The following OSBPL6 variants were observed in gnomAD, a reference collection of about 807,000 sequenced individuals.
The protein encoded by OSBPL6 is oxysterol-binding protein-related protein 6.
A neutral mutation model predicts 125.8 loss-of-function variants in OSBPL6; 49 were observed. That is an observed-to-expected ratio of 0.39 (90% confidence interval 0.31 to 0.49). The LOEUF (loss-of-function observed/expected upper bound fraction) is 0.49. Among genes scored for constraint, OSBPL6 ranks in the 20% least tolerant of loss-of-function variants. OSBPL6 has a pLI of 0.88. For synonymous variants in OSBPL6, 394 were observed against 391.8 expected (o/e 1.01, Z -0.07); for missense variants, 986 against 1,135.4 (o/e 0.87, Z 1.89).
intron 1 of OSBPL6, among the ~76,000 whole-genome samples, chr2:178,211,840 A>G (rs1366260019): frequency 6.6e-6 from 1 of 152,064 alleles, no homozygotes; most frequent in Non-Finnish European, 1.5e-5. Context: ...TCATTAAAGC[A>G]TTGTTGTAAG....
At chr2:178,279,270 T>C (rs562791254) in intron 1 of OSBPL6, among the ~76,000 whole-genome samples, 1 of 152,300 alleles carries the variant, frequency 6.6e-6, no homozygotes, top group Non-Finnish European at 1.5e-5. Flanking sequence ...GAGAGGAATG[T>C]GCGGGGAATG....
intron 1 of OSBPL6, among the ~76,000 whole-genome samples, chr2:178,239,002 G>T (rs1161882460): frequency 6.6e-6 from 1 of 152,054 alleles, no homozygotes; most frequent in Non-Finnish European, 1.5e-5. Context: ...GTGTCCTTTT[G>T]CCTTTCAATC....
intron 1 of OSBPL6, among the ~76,000 whole-genome samples, chr2:178,228,177 C>A (rs560416939): frequency 2.6e-4 from 39 of 152,292 alleles, no homozygotes; most frequent in African/African-American, 8.4e-4. Flanking sequence ...AATGTGCAAA[C>A]AAAATAGAAG....
At chr2:178,357,332 C>T (rs910987173) in intron 12 of OSBPL6, among the ~76,000 whole-genome samples, 1 of 152,190 alleles carries the variant, frequency 6.6e-6, no homozygotes, top group African/African-American at 2.4e-5. Context: ...TTTTTGCAAT[C>T]TACCCATCTG....
intron 12 of OSBPL6, among the ~76,000 whole-genome samples, chr2:178,352,029 T>C (rs189773064): frequency 6.6e-6 from 1 of 152,204 alleles, no homozygotes; most frequent in Admixed American, 6.5e-5. Flanking sequence ...TAAAGAAATA[T>C]ACAGATTCAA....
chr2:178,234,728 A>G (rs1390690519), intron 1 of OSBPL6, among the ~76,000 whole-genome samples: 1 of 152,088 alleles, frequency 6.6e-6, no homozygotes, highest in Non-Finnish European at 1.5e-5. Flanking sequence ...TCCTTTTATG[A>G]TCTAGGGTAG....
At chr2:178,308,535 T>TACACTGAGAATACAGTG (rs1282369001) in intron 3 of OSBPL6, among the ~76,000 whole-genome samples, 5 of 152,260 alleles carry the variant, frequency 3.3e-5, no homozygotes, top group Non-Finnish European at 7.3e-5. Context: ...GGTATCTTAA[T>TACACTGAGAATACAGTG]GCACATTATT....
chr2:178,271,826 G>A (rs1198474722), intron 1 of OSBPL6, among the ~76,000 whole-genome samples: 1 of 152,164 alleles, frequency 6.6e-6, no homozygotes, highest in Non-Finnish European at 1.5e-5. Context: ...TACTAGAAAT[G>A]TGATATTCTA....
intron 1 of OSBPL6, among the ~76,000 whole-genome samples, chr2:178,202,886 G>A (rs1296690022): frequency 1.3e-5 from 2 of 151,744 alleles, no homozygotes; most frequent in African/African-American, 4.8e-5. Flanking sequence ...AATTTGATCA[G>A]GATGTACCTT....
At chr2:178,227,773 G>A (rs1402655962) in intron 1 of OSBPL6, among the ~76,000 whole-genome samples, 2 of 152,186 alleles carry the variant, frequency 1.3e-5, no homozygotes, top group Non-Finnish European at 2.9e-5. Flanking sequence ...ATATAAACAA[G>A]ATGATAGTAT....
At chr2:178,382,844 CTGT>C (rs950213118) in intron 16 of OSBPL6, 177 bp from the exon 17 acceptor site, 2 of 1,384,702 alleles carry the variant, frequency 1.4e-6, no homozygotes, top group African/African-American at 2.9e-5. Flanking sequence ...AAACTATACA[CTGT>C]TGTTTTCTGC....
At chr2:178,298,315 G>A (rs1685944894) in intron 2 of OSBPL6, among the ~76,000 whole-genome samples, 2 of 152,164 alleles carry the variant, frequency 1.3e-5, no homozygotes, top group African/African-American at 4.8e-5. Flanking sequence ...CCGCATTTTG[G>A]CTACATGCTG....
intron 15 of OSBPL6, among the ~76,000 whole-genome samples, chr2:178,380,090 T>G (rs1446493504): frequency 6.6e-6 from 1 of 152,178 alleles, no homozygotes; most frequent in Non-Finnish European, 1.5e-5. Flanking sequence ...GTAATCTATA[T>G]GTCAAACTGA....
chr2:178,362,071 G>C (rs1692412003), intron 13 of OSBPL6, among the ~76,000 whole-genome samples: 1 of 152,070 alleles, frequency 6.6e-6, no homozygotes. Flanking sequence ...AACACTTAAT[G>C]CTTCTCTAAG....
In OSBPL6 at chr2:178,252,085, G is replaced by C. The variant is rs549191259; in HGVS notation, c.-350-32842G>C. Among the ~76,000 whole-genome samples, 11 of 106,660 alleles carry C rather than the reference G, an allele frequency of 1.0e-4. No individual in the cohort carries two copies. The East Asian group carries it at 2.4e-3, about 24-fold the overall frequency. The allele number at this position is 106,660 out of a possible 152,430, so 70.0% of individuals were successfully genotyped here. On this transcript the variant is annotated intron_variant, in intron 1 of 24. Transcript: ENST00000190611. ...GCTGAGTAGTAGATTGCTAGTTCTT[G>C]GGTTGGAAACCACCATTCATTTTCT...
intron 1 of OSBPL6, among the ~76,000 whole-genome samples, chr2:178,235,580 G>A (rs2091025452): frequency 6.6e-6 from 1 of 151,440 alleles, no homozygotes; most frequent in Admixed American, 6.6e-5. Flanking sequence ...CTAATTTTTT[G>A]TATTTTTAGA....
intron 1 of OSBPL6, among the ~76,000 whole-genome samples, chr2:178,199,936 G>A (rs1303570008): frequency 6.6e-6 from 1 of 152,106 alleles, no homozygotes; most frequent in Admixed American, 6.5e-5. Flanking sequence ...TAGTCTCAAA[G>A]TGTCCATTAT....
At chr2:178,235,310 G>A (rs778164629) in intron 1 of OSBPL6, among the ~76,000 whole-genome samples, 2 of 134,164 alleles carry the variant, frequency 1.5e-5, no homozygotes, top group Non-Finnish European at 3.3e-5. Context: ...GGTCTTATTT[G>A]TATCTCTTCT....
At chr2:178,268,426 C>T (rs1291683871) in intron 1 of OSBPL6, among the ~76,000 whole-genome samples, 1 of 144,494 alleles carries the variant, frequency 6.9e-6, no homozygotes, top group African/African-American at 2.4e-5. Flanking sequence ...AAAGTACACA[C>T]ATCTTAAATG....
Sources: allele counts gnomAD v4.1 joint callset (sites outside exome capture counted in the v4.1 genomes callset), GRCh38; gene constraint gnomAD v4.1.1; transcripts MANE v1.5; gene names NCBI Gene and HGNC (gene_info 2026-07-23, HGNC 2026-07-21).